The following PITPNC1 variants were observed in gnomAD, a reference collection of about 807,000 sequenced individuals.
PITPNC1 encodes the protein cytoplasmic phosphatidylinositol transfer protein 1.
A neutral mutation model predicts 44.7 loss-of-function variants in PITPNC1; 18 were observed. That is an observed-to-expected ratio of 0.40 (90% CI 0.28 to 0.60). The LOEUF (loss-of-function observed/expected upper bound fraction) is 0.60. PITPNC1 is among the 20% of genes least tolerant of loss of function. The pLI is 0.39. For missense variants in PITPNC1, 290 were observed against 418.4 expected, an observed-to-expected ratio of 0.69 and a Z score of 2.68; for synonymous variants, 141 against 149.6, an observed-to-expected ratio of 0.94 and a Z score of 0.42.
At chr17:67,578,027 T>A in intron 4 of PITPNC1, 159 bp from the exon 5 acceptor site, 1 of 687,498 alleles carries the variant, frequency 1.5e-6, no homozygotes, top group South Asian at 1.5e-5. Flanking sequence ...TAAAGGCGGC[T>A]TTCCTTTGTC....
At chr17:67,635,354 T>C (rs998194648) in intron 6 of PITPNC1, among the ~76,000 whole-genome samples, 1 of 151,860 alleles carries the variant, frequency 6.6e-6, no homozygotes, top group Non-Finnish European at 1.5e-5. Flanking sequence ...GGGGATGAGG[T>C]TGAAGGAGGA....
intron 1 of PITPNC1, chr17:67,408,752 T>TTCTC (rs1332766634): frequency 6.7e-6 from 1 of 148,932 alleles, no homozygotes; most frequent in African/African-American, 2.5e-5. Flanking sequence ...CTCTCTTTCT[T>TTCTC]TCTTTCTTTC....
chr17:67,656,195 T>C (rs1774287081), intron 6 of PITPNC1, among the ~76,000 whole-genome samples: 2 of 152,218 alleles, frequency 1.3e-5, no homozygotes, highest in Admixed American at 6.5e-5. Context: ...CTTGCTCTTC[T>C]GTCTGGACCT....
intron 7 of PITPNC1, among the ~76,000 whole-genome samples, chr17:67,670,868 G>T (rs2042501494): frequency 6.6e-6 from 1 of 151,898 alleles, no homozygotes; most frequent in Non-Finnish European, 1.5e-5. Context: ...GTTCATTTTG[G>T]TTTTTTGTTG....
chr17:67,608,813 T>A, intron 5 of PITPNC1, among the ~76,000 whole-genome samples: 1 of 151,846 alleles, frequency 6.6e-6, no homozygotes, highest in East Asian at 1.9e-4. Context: ...TCTCAGCTTT[T>A]CTTTGTCTCT....
At chr17:67,610,097 C>G (rs1244192263) in intron 5 of PITPNC1, among the ~76,000 whole-genome samples, 1 of 152,172 alleles carries the variant, frequency 6.6e-6, no homozygotes, top group Non-Finnish European at 1.5e-5. Flanking sequence ...ATTCCATGCT[C>G]CCTGCCTCAA....
rs540114676 is a variant in PITPNC1, at chr17:67,475,059, C to T, written c.49-57743C>T. On this transcript the variant is annotated intron_variant, in intron 1 of 8. Coordinates refer to ENST00000581322, the MANE Select transcript of PITPNC1 (RefSeq NM_012417.4). Reference sequence around the variant, plus strand: ...CTCTAGTGTGAACACTCAACGTTGACGCTATGGATGAGGGAGGGCCCTGCT... The same window carrying T: ...CTCTAGTGTGAACACTCAACGTTGATGCTATGGATGAGGGAGGGCCCTGCT... 4.6e-5 allele frequency among the ~76,000 whole-genome samples: 7 copies of T among 152,310 alleles called. No individual in the cohort carries two copies. In the South Asian group the frequency reaches 1.4e-3, roughly 32 times the overall value.
chr17:67,452,990 T>C (rs1326179994), intron 1 of PITPNC1, among the ~76,000 whole-genome samples: 1 of 152,216 alleles, frequency 6.6e-6, no homozygotes, highest in Non-Finnish European at 1.5e-5. Context: ...GGTTTTACTT[T>C]GCATTTCCTG....
chr17:67,474,598 T>C (rs1190677579), intron 1 of PITPNC1, among the ~76,000 whole-genome samples: 3 of 152,176 alleles, frequency 2.0e-5, no homozygotes, highest in African/African-American at 7.2e-5. Context: ...AATCGCCCCA[T>C]GCTGAGAACC....
chr17:67,580,177 C>T lies in PITPNC1; in HGVS notation c.366+1920C>T, dbSNP rs565821125. Among the ~76,000 whole-genome samples the T allele has an allele frequency of 4.3e-4, 66 of 152,230 alleles. 1 individual carries two copies. The highest frequency in any genetic ancestry group is 1.5e-3 in the African/African-American group (61 of 41,550). On this transcript the variant is annotated intron_variant, in intron 5 of 8. Coordinates refer to ENST00000581322, the MANE Select transcript of PITPNC1 (RefSeq NM_012417.4). ...AGTATGCTTCCCTATAATGATTTTT[C>T]CTGGCTGTACCACCTTCCATATTTC...
intron 1 of PITPNC1, among the ~76,000 whole-genome samples, chr17:67,523,968 C>G (rs1324640628): frequency 2.0e-5 from 3 of 151,928 alleles, no homozygotes; most frequent in Non-Finnish European, 4.4e-5. Context: ...CCTGCCACCA[C>G]GCCCGGCTAA....
At chr17:67,585,041 G>T (rs777087161) in intron 5 of PITPNC1, among the ~76,000 whole-genome samples, 7 of 151,446 alleles carry the variant, frequency 4.6e-5, no homozygotes, top group Non-Finnish European at 8.8e-5. Flanking sequence ...ACTTGAACCT[G>T]GGAGGCAGAG....
chr17:67,490,184 T>C (rs2039844048), intron 1 of PITPNC1, among the ~76,000 whole-genome samples: 1 of 150,840 alleles, frequency 6.6e-6, no homozygotes, highest in African/African-American at 2.4e-5. Flanking sequence ...GGATGCATTA[T>C]GTAACTTTGG....
rs1361694629 is a variant in PITPNC1 at position 67,377,682 on chromosome 17, G to C, written c.-473G>C. On this transcript the variant is annotated 5_prime_UTR_variant, in exon 1 of 9. Transcript: ENST00000581322. ...GTGTTCCTGGTGACATTAGCATCGG[G>C]CAGACCCGCCGGAGGAGGGGGGTCG... 6.5e-6 allele frequency: 1 copy of C among 154,404 alleles called. No individual in the cohort carries two copies. Among genetic ancestry groups the C allele is most frequent in the East Asian group, 1.9e-4 (1 of 5,240 alleles). 9.6% of individuals were successfully genotyped at this position (154,404 alleles called of 1,614,324 possible).
At chr17:67,509,680 G>C (rs998061310) in intron 1 of PITPNC1, among the ~76,000 whole-genome samples, 11 of 152,052 alleles carry the variant, frequency 7.2e-5, no homozygotes, top group Admixed American at 4.6e-4. Flanking sequence ...AGAAAAAAAT[G>C]CTTTAAAGTG....
chr17:67,628,341 G>A (rs2041921131), intron 5 of PITPNC1, among the ~76,000 whole-genome samples: 1 of 152,096 alleles, frequency 6.6e-6, no homozygotes, highest in Non-Finnish European at 1.5e-5. Context: ...GCCCAGGGCA[G>A]CACTTTGTAT....
chr17:67,598,249 A>G (rs1050169863), intron 5 of PITPNC1, among the ~76,000 whole-genome samples: 1 of 152,190 alleles, frequency 6.6e-6, no homozygotes, highest in African/African-American at 2.4e-5. Context: ...AAAAGAAAAG[A>G]AAAGAAAAGA....
At chr17:67,657,532 C>T (rs1203316319) in intron 6 of PITPNC1, among the ~76,000 whole-genome samples, 3 of 150,642 alleles carry the variant, frequency 2.0e-5, no homozygotes. Context: ...AGTCCCAGCC[C>T]TATTGCCGAG....
At chr17:67,458,287 GT>G (rs1447561865) in intron 1 of PITPNC1, among the ~76,000 whole-genome samples, 3 of 152,194 alleles carry the variant, frequency 2.0e-5, no homozygotes, top group Middle Eastern at 3.4e-3. Flanking sequence ...CCGTATCTCT[GT>G]TTTCATCATC....
Sources: gnomAD v4.1 joint callset for allele counts (sites outside exome capture counted in the v4.1 genomes callset) on GRCh38, gnomAD v4.1.1 for gene constraint, MANE v1.5 for transcripts, NCBI Gene and HGNC (gene_info 2026-07-23, HGNC 2026-07-21) for gene names.